Variants in WWC2 observed in about 807,000 individuals in gnomAD.
The protein encoded by WWC2 is protein WWC2.
Under a neutral mutation model 138.5 loss-of-function variants are expected in WWC2, and 101 were observed. That is an observed-to-expected ratio of 0.73 (90% CI 0.62 to 0.86). WWC2 has a LOEUF of 0.86. Among genes scored for constraint, WWC2 ranks in the 40% least tolerant of loss-of-function variants. The pLI is 0.00. For missense variants in WWC2, 1,420 were observed against 1,419.4 expected, an observed-to-expected ratio of 1.00 and a Z score of -0.01; for synonymous variants, 558 against 538.4, an observed-to-expected ratio of 1.04 and a Z score of -0.50.
In WWC2 at chr4:183,099,624, TGGGCGCCGGCCGCGG is replaced by T. The variant is rs1743095811; in HGVS notation, c.131+9_131+23del. Reference sequence around the variant, plus strand: ...CAGCTGGATCGACCCCCGGGACAGGTGGGCGCCGGCCGCGGGGGCGCGGGCCCGTTCGGACACGGC... The same window carrying T: ...CAGCTGGATCGACCCCCGGGACAGGTGGGCGCGGGCCCGTTCGGACACGGC... On this transcript the variant is annotated splice_donor_5th_base_variant and intron_variant, in intron 1 of 22. Transcript: ENST00000403733. 11 of 1,336,168 alleles carry T rather than the reference TGGGCGCCGGCCGCGG, an allele frequency of 8.2e-6. No homozygotes were observed. In the African/African-American group the frequency reaches 9.2e-5, roughly 11 times the overall value. 82.8% of individuals were successfully genotyped at this position (1,336,168 alleles called of 1,614,324 possible).
rs989877112 is a variant in WWC2, at chr4:183,119,305, T to G, written c.131+19683T>G. On this transcript the variant is annotated intron_variant, in intron 1 of 22. Transcript: ENST00000403733. ...TACTTCTCCAGTTAAAGGCATGGAGTCTGGGAATGGCTTAGTTTAAGGATA... is the reference window on the plus strand; with the variant it reads ...TACTTCTCCAGTTAAAGGCATGGAGGCTGGGAATGGCTTAGTTTAAGGATA... Among the ~76,000 whole-genome samples the G allele has an allele frequency of 6.6e-5, 10 of 151,980 alleles. 1 individual carries two copies. Among genetic ancestry groups the G allele is most frequent in the African/African-American group, 1.9e-4 (8 of 41,358 alleles).
chr4:183,249,760 A>T (rs1344800078), intron 7 of WWC2, among the ~76,000 whole-genome samples, 160 bp from the exon 8 acceptor site: 1 of 152,326 alleles, frequency 6.6e-6, no homozygotes, highest in East Asian at 1.9e-4. Context: ...TTTTGCCCCT[A>T]CTGAGACAAT....
At chr4:183,166,233 G>C (rs537899697) in intron 1 of WWC2, among the ~76,000 whole-genome samples, 58 of 152,074 alleles carry the variant, frequency 3.8e-4, no homozygotes, top group South Asian at 6.2e-4. Flanking sequence ...TTGATTTCAG[G>C]GAAATTGATA....
Position 183,245,447 on chromosome 4 carries a change from G to A in WWC2, c.634G>A (p.Gly212Arg), listed in dbSNP as rs775523719. 2.9e-5 allele frequency: 46 copies of A among 1,583,774 alleles called. No individual in the cohort carries two copies. The highest frequency in any genetic ancestry group is 3.4e-4 in the Middle Eastern group (2 of 5,898). Residue 212 changes from glycine to arginine, a missense_variant, in exon 6 of 23, where the codon GGG (glycine) becomes AGG (arginine). Coordinates refer to ENST00000403733, the MANE Select transcript of WWC2 (RefSeq NM_024949.6). ...TAAAAAAATGTCTGGAGGCCAGAGC[G>A]GGTATGAACTCAGTGAAGCCAAAGC... ...IDKKMSGGQS[G>R]YELSEAKAIL... is the part of the protein sequence containing the mutation.
At chr4:183,146,288 T>C (rs1733458052) in intron 1 of WWC2, among the ~76,000 whole-genome samples, 1 of 152,102 alleles carries the variant, frequency 6.6e-6, no homozygotes, top group South Asian at 2.1e-4. Context: ...TCGTCGGCTT[T>C]AGGTGTTGGT....
intron 1 of WWC2, among the ~76,000 whole-genome samples, chr4:183,101,190 G>C (rs1226987277): frequency 6.6e-6 from 1 of 152,122 alleles, no homozygotes; most frequent in Non-Finnish European, 1.5e-5. Flanking sequence ...AGGCATTCTA[G>C]GTTCTCTTCT....
At chr4:183,274,535 A>G (rs1168775138) in intron 16 of WWC2, among the ~76,000 whole-genome samples, 1 of 152,176 alleles carries the variant, frequency 6.6e-6, no homozygotes, top group Non-Finnish European at 1.5e-5. Flanking sequence ...ATGAAAACCT[A>G]ATCATCACAC....
At chr4:183,134,570 A>G (rs1733052478) in intron 1 of WWC2, among the ~76,000 whole-genome samples, 1 of 152,152 alleles carries the variant, frequency 6.6e-6, no homozygotes, top group Non-Finnish European at 1.5e-5. Context: ...TATGCATCAG[A>G]TCACACTTGT....
intron 4 of WWC2, among the ~76,000 whole-genome samples, chr4:183,238,276 C>G (rs180706812): frequency 3.0e-4 from 45 of 152,236 alleles, no homozygotes; most frequent in African/African-American, 1.1e-3. Context: ...ACACCCTCCA[C>G]GTTGAGTCCA....
At chr4:183,187,367 A>C (rs1172986297) in intron 1 of WWC2, among the ~76,000 whole-genome samples, 1 of 151,400 alleles carries the variant, frequency 6.6e-6, no homozygotes, top group Non-Finnish European at 1.5e-5. Flanking sequence ...CCGCCTGGCC[A>C]ACATGGTGAA....
At chr4:183,240,980 A>T (rs987950977) in intron 5 of WWC2, among the ~76,000 whole-genome samples, 12 of 152,130 alleles carry the variant, frequency 7.9e-5, no homozygotes, top group Non-Finnish European at 1.6e-4. Context: ...CAGCCTATCC[A>T]AACCGTGACA....
chr4:183,320,227 C>A lies in WWC2; in HGVS notation c.*4498C>A. On this transcript the variant is annotated 3_prime_UTR_variant, in exon 23 of 23. Coordinates refer to ENST00000403733, the MANE Select transcript of WWC2 (RefSeq NM_024949.6). ...CTAAATACTAAAGCCATTATAATGT[C>A]CTGAGAGCTTTAGCCAAACTAACTC... 6.2e-7 allele frequency: 1 copy of A among 1,603,706 alleles called. No homozygotes were observed. Among genetic ancestry groups the A allele is most frequent in the South Asian group, 1.1e-5 (1 of 89,382 alleles).
chr4:183,280,714 G>T, intron 16 of WWC2, 62 bp from the exon 17 acceptor site: 1 of 1,516,304 alleles, frequency 6.6e-7, no homozygotes, highest in Non-Finnish European at 8.9e-7. Flanking sequence ...CCCATCTGCT[G>T]AGTTTTTAAG....
rs188947502 is a variant in WWC2, at chr4:183,239,936, C to T, written c.523-247C>T. Among the ~76,000 whole-genome samples, 310 of 152,216 alleles carry T rather than the reference C, an allele frequency of 2.0e-3. 3 individuals carry two copies. Among genetic ancestry groups the T allele is most frequent in the Non-Finnish European group, 3.8e-3 (256 of 68,010 alleles). Reference sequence around the variant, plus strand: ...TTGGAGACAATGATGATGTCCAGCTCATAAGAATGTTGCTAAGTAAGGTAA... The same window carrying T: ...TTGGAGACAATGATGATGTCCAGCTTATAAGAATGTTGCTAAGTAAGGTAA... On this transcript the variant is annotated intron_variant, in intron 4 of 22. Coordinates refer to ENST00000403733, the MANE Select transcript of WWC2 (RefSeq NM_024949.6).
intron 21 of WWC2, among the ~76,000 whole-genome samples, chr4:183,300,753 T>TC (rs1402801997): frequency 1.3e-5 from 2 of 152,028 alleles, no homozygotes; most frequent in Admixed American, 1.3e-4. Flanking sequence ...TGGTCAGCTT[T>TC]TTTTTTTTAT....
intron 4 of WWC2, among the ~76,000 whole-genome samples, chr4:183,218,912 CATAAA>C (rs1735842444): frequency 6.6e-6 from 1 of 152,180 alleles, no homozygotes. Flanking sequence ...CAAATTGACA[CATAAA>C]ATTAACTATT....
chr4:183,267,383 C>G (rs1435961767), intron 14 of WWC2, among the ~76,000 whole-genome samples: 1 of 152,204 alleles, frequency 6.6e-6, no homozygotes, highest in Admixed American at 6.5e-5. Flanking sequence ...TCCAGGAAGA[C>G]TGGCTTGATA....
intron 2 of WWC2, among the ~76,000 whole-genome samples, chr4:183,194,626 C>T (rs937506030): frequency 6.6e-6 from 1 of 152,068 alleles, no homozygotes; most frequent in Admixed American, 6.5e-5. Flanking sequence ...ATTTGATACT[C>T]ACTCATTAGT....
rs905795893 is a variant in WWC2 at position 183,099,590 on chromosome 4, C to T, written c.99C>T (p.Thr33=). Reference sequence around the variant, plus strand: ...AGGTCTTCTACATTGACCACAACACCAGGAGGACCAGCTGGATCGACCCCC... The same window carrying T: ...AGGTCTTCTACATTGACCACAACACTAGGAGGACCAGCTGGATCGACCCCC... The part of the protein sequence containing the change: ...DGKVFYIDHN[T]RRTSWIDPRD... Residue 33 remains threonine (T), a synonymous_variant, in exon 1 of 23, where the codon ACC becomes ACT. Transcript: ENST00000403733. 1.4e-6 allele frequency: 2 copies of T among 1,394,402 alleles called. No homozygotes were observed. Among genetic ancestry groups the T allele is most frequent in the African/African-American group, 1.5e-5 (1 of 66,670 alleles). The allele number at this position is 1,394,402 out of a possible 1,614,324, so 86.4% of individuals were successfully genotyped here. A position where few individuals can be genotyped will look rare whatever the true frequency, so the allele number is the denominator to read the frequency against.
Sources: allele counts gnomAD v4.1 joint callset (sites outside exome capture counted in the v4.1 genomes callset), GRCh38; gene constraint gnomAD v4.1.1; transcripts MANE v1.5; gene names NCBI Gene and HGNC (gene_info 2026-07-23, HGNC 2026-07-21).